Variants in STMND1 observed in about 807,000 individuals in gnomAD.
STMND1 encodes stathmin domain-containing protein 1.
A neutral mutation model predicts 23.0 loss-of-function variants in STMND1; 17 were observed. The ratio of observed to expected loss-of-function variants is 0.74; its 90% CI spans 0.51 to 1.11. The LOEUF is 1.11. Ranked by LOEUF, STMND1 falls within the 50% of genes least tolerant of loss-of-function variation. The pLI is 0.00. For synonymous variants in STMND1, 114 were observed against 119.9 expected (o/e 0.95, Z 0.32); for missense variants, 305 against 329.1 (o/e 0.93, Z 0.57).
chr6:17,117,865 G>A (rs1761181639), intron 2 of STMND1, among the ~76,000 whole-genome samples: 1 of 149,942 alleles, frequency 6.7e-6, no homozygotes, highest in African/African-American at 2.5e-5. Flanking sequence ...TTTTAGTAGA[G>A]ACGGAGTTTC....
chr6:17,118,947 A>T (rs1761193456), intron 2 of STMND1, among the ~76,000 whole-genome samples: 1 of 152,186 alleles, frequency 6.6e-6, no homozygotes, highest in Admixed American at 6.5e-5. Context: ...AGTACTCAGT[A>T]TAGTGCAGGT....
Position 17,115,951 on chromosome 6 carries a change from G to A in STMND1, c.259+812G>A, listed in dbSNP as rs544470077. ...TCGCCCTCCCCTTGCTGTAGTCAGC[G>A]TGACCTCAGAGAATGACTAGGAGGT... is the stretch of plus-strand genomic sequence containing the variant. On this transcript the variant is annotated intron_variant, in intron 2 of 4. Coordinates refer to ENST00000536551, the MANE Select transcript of STMND1 (RefSeq NM_001190766.2). Among the ~76,000 whole-genome samples, 5 of 152,296 alleles carry A rather than the reference G, an allele frequency of 3.3e-5. No individual in the cohort carries two copies. In the South Asian group the frequency reaches 6.2e-4, roughly 19 times the overall value.
rs1760952311 is a variant in STMND1 at position 17,102,343 on chromosome 6, T to C, written c.81+5T>C. Reference sequence around the variant, plus strand: ...GGCTGGAAAGAGGAATTCAAGGTAATAAACAAACAAACAAACAAACAAACA... The same window carrying C: ...GGCTGGAAAGAGGAATTCAAGGTAACAAACAAACAAACAAACAAACAAACA... On this transcript the variant is annotated splice_donor_5th_base_variant and intron_variant, in intron 1 of 4. Transcript: ENST00000536551. 7 of 1,520,860 alleles carry C rather than the reference T, an allele frequency of 4.6e-6. No homozygotes were observed. Among genetic ancestry groups the C allele is most frequent in the Admixed American group, 4.0e-5 (2 of 50,448 alleles). 94.2% of individuals were successfully genotyped at this position (1,520,860 alleles called of 1,614,324 possible).
intron 3 of STMND1, among the ~76,000 whole-genome samples, chr6:17,123,558 G>A (rs115963206): frequency 8.2e-4 from 125 of 152,240 alleles, no homozygotes; most frequent in African/African-American, 2.7e-3. Context: ...CAGCCTGGGC[G>A]TGTGGCCCTG....
intron 3 of STMND1, 133 bp from the exon 4 acceptor site, chr6:17,128,979 C>G: frequency 3.3e-6 from 3 of 901,768 alleles, no homozygotes; most frequent in Non-Finnish European, 4.7e-6. Flanking sequence ...TCCCAAAGTG[C>G]CGGGATTACA....
chr6:17,112,149 C>T (rs967593509), intron 1 of STMND1, among the ~76,000 whole-genome samples: 4 of 152,168 alleles, frequency 2.6e-5, no homozygotes, highest in Admixed American at 1.3e-4. Flanking sequence ...AGTCAATCCT[C>T]GTTCCCCCAC....
chr6:17,130,714 G>A lies in STMND1; in HGVS notation c.664G>A (p.Val222Met), dbSNP rs1761380083. The A allele has an allele frequency of 2.0e-6, 3 of 1,536,094 alleles. No homozygotes were observed. The highest frequency in any genetic ancestry group is 2.6e-6 in the Non-Finnish European group (3 of 1,146,896). ...TGCATTTGCCAAAGGACTTCAAAGG[G>A]TGAGGTCTGCTGGATTTGAACCATC... is the stretch of plus-strand genomic sequence containing the variant. Reference protein sequence around the residue: ...EVAFAKGLQRVRSAGFEPSDL... With the variant: ...EVAFAKGLQRMRSAGFEPSDL... The change falls in exon 5 of 5, where the codon GTG becomes ATG. Residue 222 changes from valine to methionine, a missense_variant. Physicochemically the swap from Val to Met is conservative, Grantham distance 21. Coordinates refer to ENST00000536551, the MANE Select transcript of STMND1 (RefSeq NM_001190766.2).
chr6:17,127,049 G>A (rs924746463), intron 3 of STMND1, among the ~76,000 whole-genome samples: 6 of 152,250 alleles, frequency 3.9e-5, no homozygotes, highest in Non-Finnish European at 7.3e-5. Context: ...CTGTGCTTTC[G>A]CCCCTTTCCG....
intron 1 of STMND1, among the ~76,000 whole-genome samples, chr6:17,112,195 A>C (rs1273508740): frequency 6.6e-6 from 1 of 152,176 alleles, no homozygotes; most frequent in African/African-American, 2.4e-5. Flanking sequence ...CTGTTTCTAT[A>C]AATTTGCCTA....
intron 3 of STMND1, among the ~76,000 whole-genome samples, chr6:17,126,034 T>TTTTTTATATATATATA (rs1348334184): frequency 7.1e-5 from 3 of 41,984 alleles, no homozygotes; most frequent in African/African-American, 3.8e-4. Flanking sequence ...GATCATTGTT[T>TTTTTTATATATATATA]TATATATATA....
At chr6:17,124,410 C>T (rs552633363) in intron 3 of STMND1, among the ~76,000 whole-genome samples, 109 of 152,270 alleles carry the variant, frequency 7.2e-4, no homozygotes, top group Non-Finnish European at 1.4e-3. Context: ...TTAGCCAGGT[C>T]ATTATCTTTC....
At chr6:17,116,249 AG>A (rs1188733161) in intron 2 of STMND1, among the ~76,000 whole-genome samples, 1 of 152,166 alleles carries the variant, frequency 6.6e-6, no homozygotes, top group African/African-American at 2.4e-5. Flanking sequence ...GAGAACAGCT[AG>A]GGAGGAAGTC....
intron 1 of STMND1, chr6:17,110,598 T>A (rs968598107): frequency 3.2e-6 from 1 of 314,114 alleles, no homozygotes; most frequent in African/African-American, 2.2e-5. Flanking sequence ...TGAAACCCCG[T>A]CTCTACTAAA....
chr6:17,119,706 A>T (rs1761205128), intron 2 of STMND1, among the ~76,000 whole-genome samples: 1 of 151,958 alleles, frequency 6.6e-6, no homozygotes, highest in African/African-American at 2.4e-5. Flanking sequence ...ATCTCAAAAA[A>T]AAAAAAAGAA....
At chr6:17,121,158 G>A (rs1326231364) in intron 3 of STMND1, among the ~76,000 whole-genome samples, 7 of 152,176 alleles carry the variant, frequency 4.6e-5, no homozygotes, top group Non-Finnish European at 7.3e-5. Context: ...CTTCCACCAT[G>A]ATTGTAAGTT....
At chr6:17,104,704 A>T (rs1199761412) in intron 1 of STMND1, among the ~76,000 whole-genome samples, 1 of 152,244 alleles carries the variant, frequency 6.6e-6, no homozygotes, top group Non-Finnish European at 1.5e-5. Flanking sequence ...TTTCTCAAAT[A>T]AAATCTGATT....
chr6:17,107,248 C>A (rs938725955), intron 1 of STMND1, among the ~76,000 whole-genome samples: 1 of 152,110 alleles, frequency 6.6e-6, no homozygotes, highest in African/African-American at 2.4e-5. Context: ...AGCTATAGAA[C>A]AAATGTAGTA....
intron 3 of STMND1, chr6:17,128,451 A>G (rs578097730): frequency 2.0e-5 from 3 of 152,090 alleles, no homozygotes; most frequent in East Asian, 3.9e-4. Context: ...ATCAGGTTGA[A>G]CTCTTCACCT....
chr6:17,127,462 A>C (rs1761323110), intron 3 of STMND1, among the ~76,000 whole-genome samples: 1 of 152,198 alleles, frequency 6.6e-6, no homozygotes, highest in Admixed American at 6.5e-5. Flanking sequence ...AGGCAGGTGA[A>C]TCGCTTGAAC....
Sources: gnomAD v4.1 joint callset for allele counts (sites outside exome capture counted in the v4.1 genomes callset) on GRCh38, gnomAD v4.1.1 for gene constraint, MANE v1.5 for transcripts, NCBI Gene and HGNC (gene_info 2026-07-23, HGNC 2026-07-21) for gene names.